RAPGEF5: variants seen among roughly 807,000 people sequenced by gnomAD.
RAPGEF5 encodes Rap guanine nucleotide exchange factor 5, also known as M-Ras-regulated GEF.
A neutral mutation model predicts 125.2 loss-of-function variants in RAPGEF5; 65 were observed. The observed-to-expected ratio is 0.52, with a 90% CI of 0.43 to 0.64. The LOEUF is 0.64. RAPGEF5 is among the 30% of genes least tolerant of loss of function. The pLI is 0.00. For missense variants in RAPGEF5, 958 were observed against 1,048.1 expected, an observed-to-expected ratio of 0.91 and a Z score of 1.19; for synonymous variants, 391 against 385.9, an observed-to-expected ratio of 1.01 and a Z score of -0.16.
intron 5 of RAPGEF5, among the ~76,000 whole-genome samples, chr7:22,299,967 T>C (rs1783159457): frequency 6.6e-6 from 1 of 152,258 alleles, no homozygotes. Flanking sequence ...TGTGTTTCTC[T>C]GAGTGCTCCT....
intron 7 of RAPGEF5, among the ~76,000 whole-genome samples, chr7:22,263,509 C>T (rs566422814): frequency 6.6e-6 from 1 of 152,036 alleles, no homozygotes; most frequent in East Asian, 1.9e-4. Flanking sequence ...ACGGGTGGAT[C>T]ACCTGAGGTC....
At chr7:22,319,665 A>T (rs1231354532) in intron 1 of RAPGEF5, among the ~76,000 whole-genome samples, 1 of 152,224 alleles carries the variant, frequency 6.6e-6, no homozygotes, top group Admixed American at 6.5e-5. Context: ...TTTTAAATGC[A>T]CCAGATTATA....
At position 22,136,353 on chromosome 7, in the gene RAPGEF5, C is replaced by G. The variant is rs137967217; in HGVS notation, c.2329-228G>C. 1.1e-3 allele frequency among the ~76,000 whole-genome samples: 164 copies of G among 151,722 alleles called. 3 individuals carry two copies. In the South Asian group the frequency reaches 0.023, roughly 22 times the overall value. ...TTGGTTTACAATAAAGGGAAATGAC[C>G]GCAAATGAGAGACATCTTTTGATTG... is the stretch of plus-strand genomic sequence containing the variant. On this transcript the variant is annotated intron_variant, in intron 22 of 25. Transcript: ENST00000665637.
chr7:22,340,522 A>G (rs1784105527), intron 1 of RAPGEF5, among the ~76,000 whole-genome samples: 1 of 152,254 alleles, frequency 6.6e-6, no homozygotes, highest in Non-Finnish European at 1.5e-5. Context: ...GACAGGGAGA[A>G]CATTCACTCT....
At chr7:22,168,608 C>A (rs979407193) in intron 11 of RAPGEF5, among the ~76,000 whole-genome samples, 6 of 152,072 alleles carry the variant, frequency 3.9e-5, no homozygotes, top group African/African-American at 1.4e-4. Context: ...AAGAAAATCT[C>A]CAGAATTTTT....
chr7:22,290,217 T>C (rs1782897664), intron 6 of RAPGEF5, among the ~76,000 whole-genome samples: 1 of 152,186 alleles, frequency 6.6e-6, no homozygotes, highest in South Asian at 2.1e-4. Context: ...TCAACCATGA[T>C]TTTCAGCAAT....
intron 7 of RAPGEF5, among the ~76,000 whole-genome samples, chr7:22,266,353 G>A (rs1583531982): frequency 1.3e-5 from 2 of 152,202 alleles, no homozygotes; most frequent in African/African-American, 2.4e-5. Flanking sequence ...TTCTACTTCA[G>A]TGAGTCTCCA....
At chr7:22,170,264 G>A (rs1784309222) in intron 11 of RAPGEF5, among the ~76,000 whole-genome samples, 1 of 152,108 alleles carries the variant, frequency 6.6e-6, no homozygotes, top group South Asian at 2.1e-4. Context: ...CATATTGGCT[G>A]GGCTGGTCTC....
At chr7:22,187,559 C>T (rs1212819216) in intron 11 of RAPGEF5, among the ~76,000 whole-genome samples, 1 of 152,234 alleles carries the variant, frequency 6.6e-6, no homozygotes, top group African/African-American at 2.4e-5. Flanking sequence ...TATAGTCCCA[C>T]CTTCTCATTC....
intron 8 of RAPGEF5, among the ~76,000 whole-genome samples, 153 bp downstream of exon 8, chr7:22,230,693 C>T (rs1786034796): frequency 6.6e-6 from 1 of 152,106 alleles, no homozygotes. Flanking sequence ...GTGTGAAATA[C>T]CTTTATATCA....
At chr7:22,203,822 T>C (rs1228968884) in intron 9 of RAPGEF5, among the ~76,000 whole-genome samples, 2 of 152,118 alleles carry the variant, frequency 1.3e-5, no homozygotes, top group East Asian at 3.9e-4. Flanking sequence ...AACTGAGGCA[T>C]GGTACAGTGT....
chr7:22,123,055 T>C (rs563487676), intron 25 of RAPGEF5, among the ~76,000 whole-genome samples: 1 of 152,092 alleles, frequency 6.6e-6, no homozygotes, highest in Non-Finnish European at 1.5e-5. Context: ...GAAAAAAAAA[T>C]TTAATGGAGC....
intron 5 of RAPGEF5, among the ~76,000 whole-genome samples, chr7:22,306,554 G>C (rs1462806466): frequency 6.6e-6 from 1 of 152,088 alleles, no homozygotes; most frequent in Non-Finnish European, 1.5e-5. Context: ...TTGCTGTGCA[G>C]GAAGATCTTC....
rs1276412144 is a variant in RAPGEF5 at position 22,309,927 on chromosome 7, T to C, written c.511+42A>G. ...TCAAGTGTATTTTCATCTGATAGCT[T>C]AATAAAATAATGATGCTGTGCCTTC... is the stretch of plus-strand genomic sequence containing the variant. On this transcript the variant is annotated intron_variant, in intron 4 of 25. Transcript: ENST00000665637. The C allele has an allele frequency of 2.0e-6, 3 of 1,525,050 alleles. No homozygotes were observed. In the East Asian group the frequency reaches 7.7e-5, roughly 39 times the overall value. 94.5% of individuals were successfully genotyped at this position (1,525,050 alleles called of 1,614,324 possible).
intron 8 of RAPGEF5, among the ~76,000 whole-genome samples, chr7:22,221,478 G>A (rs1785787154): frequency 6.6e-6 from 1 of 152,124 alleles, no homozygotes; most frequent in Non-Finnish European, 1.5e-5. Flanking sequence ...ATATATATCT[G>A]ATATGGTTTT....
At chr7:22,252,504 T>A (rs1786649268) in intron 7 of RAPGEF5, among the ~76,000 whole-genome samples, 1 of 152,220 alleles carries the variant, frequency 6.6e-6, no homozygotes, top group South Asian at 2.1e-4. Context: ...ACTATCTTAA[T>A]GGGCATGACC....
intron 12 of RAPGEF5, among the ~76,000 whole-genome samples, chr7:22,166,232 T>C (rs1022736963): frequency 5.3e-5 from 8 of 151,796 alleles, no homozygotes; most frequent in African/African-American, 1.9e-4. Flanking sequence ...CAGCCATCAT[T>C]AGGTCTTAAT....
chr7:22,233,414 T>C (rs1241301156), intron 7 of RAPGEF5, among the ~76,000 whole-genome samples: 1 of 152,254 alleles, frequency 6.6e-6, no homozygotes, highest in African/African-American at 2.4e-5. Context: ...TTTAGCCTAC[T>C]GAATTCATGT....
At position 22,332,710 on chromosome 7, in the gene RAPGEF5, A is replaced by G. The variant is rs376058606; in HGVS notation, c.232-14673T>C. On this transcript the variant is annotated intron_variant, in intron 1 of 25. Transcript: ENST00000665637. ...ACTCATGGGAGGCAATTTCTTTCAC[A>G]TAGTCCTCACCTAAGTCCTATGTAT... Among the ~76,000 whole-genome samples the G allele has an allele frequency of 2.0e-4, 30 of 152,376 alleles. No individual in the cohort carries two copies. The East Asian group carries it at 4.2e-3, about 22-fold the overall frequency.
Sources: allele counts gnomAD v4.1 joint callset (sites outside exome capture counted in the v4.1 genomes callset), GRCh38; gene constraint gnomAD v4.1.1; transcripts MANE v1.5; gene names NCBI Gene and HGNC (gene_info 2026-07-23, HGNC 2026-07-21).